The following PRDM16 variants were observed in gnomAD, a reference collection of about 807,000 sequenced individuals.
PRDM16 encodes histone-lysine N-methyltransferase PRDM16.
A neutral mutation model predicts 110.6 loss-of-function variants in PRDM16; 23 were observed. The observed-to-expected ratio is 0.21, with a 90% CI of 0.15 to 0.29. The LOEUF (loss-of-function observed/expected upper bound fraction) is 0.29. Among genes scored for constraint, PRDM16 ranks in the 10% least tolerant of loss-of-function variants. The probability of loss-of-function intolerance (pLI) is 1.00; values close to 1 mark genes in which losing one functional copy is unlikely to be tolerated. For missense variants in PRDM16, 1,615 were observed against 1,794.3 expected (o/e 0.90, Z 1.81); for synonymous variants, 799 against 781.8 (o/e 1.02, Z -0.37).
intron 3 of PRDM16, among the ~76,000 whole-genome samples, chr1:3,278,207 G>A (rs1640634191): frequency 6.6e-6 from 1 of 152,186 alleles, no homozygotes; most frequent in African/African-American, 2.4e-5. Context: ...ACCCTGCCTG[G>A]GGCAGAGAAG....
chr1:3,181,649 T>G (rs1644195412), intron 1 of PRDM16, among the ~76,000 whole-genome samples: 1 of 114,618 alleles, frequency 8.7e-6, no homozygotes, highest in Non-Finnish European at 1.7e-5. Context: ...CACACGGTCT[T>G]ACACACGGTC....
chr1:3,154,809 A>G (rs1643834165), intron 1 of PRDM16, among the ~76,000 whole-genome samples: 1 of 152,222 alleles, frequency 6.6e-6, no homozygotes, highest in Non-Finnish European at 1.5e-5. Flanking sequence ...GGTAGCAAGT[A>G]TAAAAACTGC....
At chr1:3,135,529 C>T (rs907558282) in intron 1 of PRDM16, among the ~76,000 whole-genome samples, 1 of 152,168 alleles carries the variant, frequency 6.6e-6, no homozygotes, top group African/African-American at 2.4e-5. Flanking sequence ...TGCAGGCTTG[C>T]GCTGGTTCTA....
At position 3,069,716 on chromosome 1, in the gene PRDM16, C is replaced by T. The variant is rs1021331969; in HGVS notation, c.37+420C>T. ...TTTCCTCCCCGCTCGCTCTCTCCCTCTCTCTCTCCGAGTGGCTCTCAGTCC... is the reference window on the plus strand; with the variant it reads ...TTTCCTCCCCGCTCGCTCTCTCCCTTTCTCTCTCCGAGTGGCTCTCAGTCC... On this transcript the variant is annotated intron_variant, in intron 1 of 16. Transcript: ENST00000270722. This position sits in a 1 kb window ranked among gnomAD's most constrained non-coding sequence, Gnocchi z 6.1. Among the ~76,000 whole-genome samples the T allele has an allele frequency of 3.9e-5, 6 of 151,980 alleles. No homozygotes were observed. Among genetic ancestry groups the T allele is most frequent in the Non-Finnish European group, 5.9e-5 (4 of 67,974 alleles).
rs374404075 is a variant in PRDM16, at chr1:3,351,251, C to T, written c.439-33901C>T. On this transcript the variant is annotated intron_variant, in intron 3 of 16. Coordinates refer to ENST00000270722, the MANE Select transcript of PRDM16 (RefSeq NM_022114.4). ...TTGGGTGGCCACAGGGTGTCCCTCC[C>T]GGTCCCTCCAGGTGGAAAAGACTCT... 1.8e-4 allele frequency among the ~76,000 whole-genome samples: 28 copies of T among 152,248 alleles called. No individual in the cohort carries two copies. The East Asian group carries it at 4.5e-3, about 24-fold the overall frequency.
intron 1 of PRDM16, among the ~76,000 whole-genome samples, chr1:3,140,712 G>A (rs914164800): frequency 6.6e-6 from 1 of 152,198 alleles, no homozygotes; most frequent in Non-Finnish European, 1.5e-5. Context: ...GGGCTGCCTG[G>A]CCTCCCAGGT....
In PRDM16 at chr1:3,425,803, A is replaced by G; in HGVS notation, c.3109+53A>G. 6.2e-7 allele frequency: 1 copy of G among 1,600,974 alleles called. No homozygotes were observed. The highest frequency in any genetic ancestry group is 8.5e-7 in the Non-Finnish European group (1 of 1,171,366). ...CAGAGCACCCACACGGGCAGGCCCC[A>G]CAGAGGGGGAGGGGGAACAGCAGGG... On this transcript the variant is annotated intron_variant, in intron 13 of 16. Coordinates refer to ENST00000270722, the MANE Select transcript of PRDM16 (RefSeq NM_022114.4). This position sits in a 1 kb window ranked among gnomAD's most constrained non-coding sequence, Gnocchi z 6.9.
intron 3 of PRDM16, among the ~76,000 whole-genome samples, chr1:3,286,354 C>T (rs572997558): frequency 7.4e-4 from 112 of 152,332 alleles, no homozygotes; most frequent in Middle Eastern, 3.4e-3. Flanking sequence ...CCCCACAGCC[C>T]GAAGGGCCGC....
chr1:3,396,281 TA>T lies in PRDM16; in HGVS notation c.574-206del, dbSNP rs1643385005. 4.7e-6 allele frequency: 3 copies of T among 632,596 alleles called. No individual in the cohort carries two copies. The Admixed American group carries it at 6.3e-5, about 13-fold the overall frequency. The allele number at this position is 632,596 out of a possible 1,614,324, so 39.2% of individuals were successfully genotyped here. A position where few individuals can be genotyped will look rare whatever the true frequency, so the allele number is the denominator to read the frequency against. On this transcript the variant is annotated intron_variant, in intron 4 of 16. Transcript: ENST00000270722. ...TCGGCCACCCCCTTTATGAATATCCTAAAACCCAATAAAGCAAATTAAAAGG... is the reference window on the plus strand; with the variant it reads ...TCGGCCACCCCCTTTATGAATATCCTAAACCCAATAAAGCAAATTAAAAGG...
At chr1:3,118,979 C>A (rs1173062523) in intron 1 of PRDM16, among the ~76,000 whole-genome samples, 4 of 152,194 alleles carry the variant, frequency 2.6e-5, no homozygotes, top group Non-Finnish European at 5.9e-5. Flanking sequence ...AGGAGCGAGA[C>A]CCTGGCCCAC....
chr1:3,393,701 C>T (rs1271684292), intron 4 of PRDM16, among the ~76,000 whole-genome samples: 2 of 152,178 alleles, frequency 1.3e-5, no homozygotes, highest in Admixed American at 6.5e-5. Flanking sequence ...GCCTTTGTGA[C>T]ACCGGGGACA....
chr1:3,182,436 C>T (rs1020673857), intron 1 of PRDM16, among the ~76,000 whole-genome samples: 1 of 152,216 alleles, frequency 6.6e-6, no homozygotes, highest in Admixed American at 6.5e-5. Context: ...GTGGCCTCTT[C>T]TCTCGCTCTC....
At chr1:3,296,634 G>A (rs1641095564) in intron 3 of PRDM16, among the ~76,000 whole-genome samples, 1 of 152,260 alleles carries the variant, frequency 6.6e-6, no homozygotes, top group African/African-American at 2.4e-5. Context: ...GGGCAGGGTG[G>A]GCACATGCCA....
At chr1:3,232,360 C>T (rs984628350) in intron 2 of PRDM16, among the ~76,000 whole-genome samples, 1 of 152,232 alleles carries the variant, frequency 6.6e-6, no homozygotes, top group Admixed American at 6.5e-5. Flanking sequence ...TGAGCCTCAG[C>T]ATTCTCAGGT....
intron 2 of PRDM16, among the ~76,000 whole-genome samples, chr1:3,214,945 A>T (rs1333984988): frequency 6.6e-6 from 1 of 152,094 alleles, no homozygotes; most frequent in African/African-American, 2.4e-5. Flanking sequence ...TCGTCCCCCA[A>T]ACCTTCCTTT....
Position 3,339,002 on chromosome 1 carries a change from G to A in PRDM16, c.439-46150G>A, listed in dbSNP as rs1055911603. Among the ~76,000 whole-genome samples the A allele has an allele frequency of 6.6e-6, 1 of 152,220 alleles. No individual in the cohort carries two copies. The highest frequency in any genetic ancestry group is 2.4e-5 in the African/African-American group (1 of 41,472). ...TGTGACAGTGACAGGCACCCCAGCA[G>A]CTGCCATTCAGGCCAAGGAGAGGCA... is the stretch of plus-strand genomic sequence containing the variant. On this transcript the variant is annotated intron_variant, in intron 3 of 16. Coordinates refer to ENST00000270722, the MANE Select transcript of PRDM16 (RefSeq NM_022114.4). This position sits in a 1 kb window ranked among gnomAD's most constrained non-coding sequence, Gnocchi z 5.0.
intron 3 of PRDM16, among the ~76,000 whole-genome samples, chr1:3,371,158 C>T (rs139129786): frequency 2.2e-3 from 331 of 151,266 alleles, no homozygotes; most frequent in Non-Finnish European, 3.6e-3. Flanking sequence ...ATTTGTCCAT[C>T]CACCCACCGA....
At chr1:3,268,608 CCAT>C (rs1485353825) in intron 3 of PRDM16, among the ~76,000 whole-genome samples, 2 of 152,174 alleles carry the variant, frequency 1.3e-5, no homozygotes, top group African/African-American at 4.8e-5. Flanking sequence ...TTAAAAAAAT[CCAT>C]CACTCTCAGC....
At chr1:3,104,481 C>T (rs925766933) in intron 1 of PRDM16, among the ~76,000 whole-genome samples, 31 of 139,364 alleles carry the variant, frequency 2.2e-4, no homozygotes, top group African/African-American at 8.4e-4. Flanking sequence ...GCTGAGTCAG[C>T]GGGCATCTCC....
Sources: allele counts gnomAD v4.1 joint callset (sites outside exome capture counted in the v4.1 genomes callset), GRCh38; gene constraint gnomAD v4.1.1; non-coding constraint Gnocchi (gnomAD v3.1); transcripts MANE v1.5; gene names NCBI Gene and HGNC (gene_info 2026-07-23, HGNC 2026-07-21).